The following CELF2 variants were observed in gnomAD, a reference collection of about 807,000 sequenced individuals.
The protein encoded by CELF2 is CUGBP Elav-like family member 2, also known as CUG triplet repeat RNA-binding protein 2.
In CELF2, 8 loss-of-function variants were observed where a neutral mutation model predicts 62.6. That is an observed-to-expected ratio of 0.13 (90% CI 0.07 to 0.23). CELF2 has a LOEUF of 0.23. Ranked by LOEUF, CELF2 falls within the 10% of genes least tolerant of loss-of-function variation. The pLI is 1.00. For synonymous variants in CELF2, 258 were observed against 250.0 expected (o/e 1.03, Z -0.30); for missense variants, 333 against 671.0 (o/e 0.50, Z 5.56).
At chr10:11,029,979 C>T (rs889553001) in intron 1 of CELF2, among the ~76,000 whole-genome samples, 1 of 152,174 alleles carries the variant, frequency 6.6e-6, no homozygotes, top group Non-Finnish European at 1.5e-5. Flanking sequence ...TTTTTCAGGT[C>T]TCCTAAGGAT....
chr10:10,546,758 G>C, the CELF2 span, among the ~76,000 whole-genome samples: 2 of 152,066 alleles, frequency 1.3e-5, no homozygotes, highest in Non-Finnish European at 2.9e-5. Context: ...GAAAAGGAGA[G>C]ACAAGTACCT....
chr10:10,861,654 G>T (rs757764773), intron 1 of CELF2, among the ~76,000 whole-genome samples: 1 of 151,956 alleles, frequency 6.6e-6, no homozygotes, highest in Non-Finnish European at 1.5e-5. Context: ...CTCCTAAATT[G>T]TATATTTTAA....
intron 4 of CELF2, among the ~76,000 whole-genome samples, chr10:11,256,743 T>A (rs1451014487): frequency 6.6e-6 from 1 of 151,366 alleles, no homozygotes; most frequent in Admixed American, 6.6e-5. Context: ...ACCTCGTCTT[T>A]CGGGCCGAAA....
rs962754600 is a variant in CELF2, at chr10:11,117,948, A to T, written c.75-47538A>T. 9.2e-5 allele frequency among the ~76,000 whole-genome samples: 14 copies of T among 152,180 alleles called. No individual in the cohort carries two copies. Among genetic ancestry groups the T allele is most frequent in the Admixed American group, 7.9e-4 (12 of 15,274 alleles). On this transcript the variant is annotated intron_variant, in intron 1 of 12. Coordinates refer to ENST00000633077, the MANE Select transcript of CELF2 (RefSeq NM_001326342.2). This position sits in a 1 kb window ranked among gnomAD's most constrained non-coding sequence, Gnocchi z 4.1. ...TGCTTTGAATGCATTCTGCCTCAAA[A>T]GGCATTTTGCTCTAATGGCTGTGTG... is the stretch of plus-strand genomic sequence containing the variant.
At chr10:11,094,104 T>C (rs1004140534) in intron 1 of CELF2, among the ~76,000 whole-genome samples, 1 of 152,226 alleles carries the variant, frequency 6.6e-6, no homozygotes. Flanking sequence ...TAAAGCCACT[T>C]TCTGTGTATT....
Position 11,165,352 on chromosome 10 carries a change from A to G in CELF2, c.75-134A>G, listed in dbSNP as rs1214960374. 3 of 1,479,306 alleles carry G rather than the reference A, an allele frequency of 2.0e-6. No individual in the cohort carries two copies. Among genetic ancestry groups the G allele is most frequent in the African/African-American group, 2.8e-5 (2 of 70,366 alleles). The allele number at this position is 1,479,306 out of a possible 1,614,324, so 91.6% of individuals were successfully genotyped here. Reference sequence around the variant, plus strand: ...CTTTGTTTTAGTTCATCAAATTTCTACGACTCATTAGGCACTTTGCCACTG... The same window carrying G: ...CTTTGTTTTAGTTCATCAAATTTCTGCGACTCATTAGGCACTTTGCCACTG... On this transcript the variant is annotated intron_variant, in intron 1 of 12. Transcript: ENST00000633077. The surrounding 1 kb of genome is among the most constrained non-coding windows in gnomAD (Gnocchi z 7.4).
chr10:10,474,291 A>G, the CELF2 span, among the ~76,000 whole-genome samples: 1 of 152,002 alleles, frequency 6.6e-6, no homozygotes, highest in Non-Finnish European at 1.5e-5. Flanking sequence ...AAAAAGGGGG[A>G]AAAAAGACAA....
intron 2 of CELF2, among the ~76,000 whole-genome samples, chr10:10,939,737 G>A (rs898932115): frequency 1.3e-4 from 20 of 151,896 alleles, no homozygotes; most frequent in Admixed American, 5.2e-4. Context: ...GACGGATCAC[G>A]AGGTCAGGAG....
intron 2 of CELF2, among the ~76,000 whole-genome samples, chr10:10,998,620 G>C (rs2054208889): frequency 6.6e-6 from 1 of 152,152 alleles, no homozygotes; most frequent in Non-Finnish European, 1.5e-5. Context: ...GTTGATCTCT[G>C]GGGGATCTCA....
intron 8 of CELF2, 72 bp downstream of exon 8, chr10:11,275,192 G>A: frequency 7.0e-7 from 1 of 1,428,134 alleles, no homozygotes; most frequent in Non-Finnish European, 9.9e-7. Context: ...CGAGGGCAAA[G>A]ACAAGAAGCA....
the CELF2 span, among the ~76,000 whole-genome samples, chr10:10,517,667 A>G: frequency 6.6e-6 from 1 of 152,118 alleles, no homozygotes; most frequent in Non-Finnish European, 1.5e-5. Context: ...AAGGGTAGGC[A>G]GAGGCGATTT....
the CELF2 span, among the ~76,000 whole-genome samples, chr10:10,553,530 G>T: frequency 3.3e-5 from 5 of 152,158 alleles, no homozygotes; most frequent in African/African-American, 1.2e-4. Flanking sequence ...TCAGTCCACA[G>T]CACCTTATAT....
At chr10:11,061,446 C>T (rs909724989) in intron 1 of CELF2, among the ~76,000 whole-genome samples, 1 of 152,192 alleles carries the variant, frequency 6.6e-6, no homozygotes, top group Non-Finnish European at 1.5e-5. Context: ...CAAGGTGAAG[C>T]AGCAAGTGCT....
chr10:10,672,190 C>A, the CELF2 span, among the ~76,000 whole-genome samples: 2 of 152,170 alleles, frequency 1.3e-5, no homozygotes, highest in African/African-American at 4.8e-5. Context: ...CGGTCTGTGA[C>A]TTGCCTTTTT....
the CELF2 span, among the ~76,000 whole-genome samples, chr10:10,771,810 A>G: frequency 1.3e-5 from 2 of 152,182 alleles, no homozygotes; most frequent in Non-Finnish European, 1.5e-5. Flanking sequence ...AGTCTTGGGT[A>G]TGTCTTTCTC....
intron 1 of CELF2, among the ~76,000 whole-genome samples, chr10:10,858,695 T>C (rs938259162): frequency 3.3e-5 from 5 of 152,106 alleles, no homozygotes; most frequent in Non-Finnish European, 7.4e-5. Context: ...TGATAATAAA[T>C]TGTTGAATGA....
At position 11,267,696 on chromosome 10, in the gene CELF2, G is replaced by T. The variant is rs189238268; in HGVS notation, c.618+1019G>T. 1.3e-5 allele frequency among the ~76,000 whole-genome samples: 2 copies of T among 151,928 alleles called. No individual in the cohort carries two copies. Among genetic ancestry groups the T allele is most frequent in the East Asian group, 1.9e-4 (1 of 5,194 alleles). ...TTTATTTTTTTGTTTGTTTGTTTTT[G>T]TTTGTTTTTTGCAATGCTGCATCTC... On this transcript the variant is annotated intron_variant, in intron 6 of 12. Transcript: ENST00000633077. This position sits in a 1 kb window ranked among gnomAD's most constrained non-coding sequence, Gnocchi z 4.4.
the CELF2 span, among the ~76,000 whole-genome samples, chr10:10,712,823 A>G: frequency 9.2e-5 from 14 of 152,168 alleles, no homozygotes; most frequent in East Asian, 1.9e-4. Context: ...CACCTTCTCC[A>G]CTGCTAGTTA....
In CELF2 at chr10:11,227,697, C is replaced by T. The variant is rs1010798207; in HGVS notation, c.354+10190C>T. Among the ~76,000 whole-genome samples the T allele has an allele frequency of 6.6e-5, 10 of 152,180 alleles. No homozygotes were observed. The highest frequency in any genetic ancestry group is 2.4e-4 in the African/African-American group (10 of 41,446). The stretch of plus-strand genomic sequence containing the variant: ...TCTATCTTAGTTACAACAGTCAGAG[C>T]TCATGATGTCATGGTGGCCTCTGGC... On this transcript the variant is annotated intron_variant, in intron 3 of 12. Coordinates refer to ENST00000633077, the MANE Select transcript of CELF2 (RefSeq NM_001326342.2). The surrounding 1 kb of genome is among the most constrained non-coding windows in gnomAD (Gnocchi z 4.8).
Sources: allele counts gnomAD v4.1 joint callset (sites outside exome capture counted in the v4.1 genomes callset), GRCh38; gene constraint gnomAD v4.1.1; non-coding constraint Gnocchi (gnomAD v3.1); transcripts MANE v1.5; gene names NCBI Gene and HGNC (gene_info 2026-07-23, HGNC 2026-07-21).